CDC14B: variants seen among roughly 807,000 people sequenced by gnomAD.
The protein encoded by CDC14B is dual specificity protein phosphatase CDC14B.
In CDC14B, 22 loss-of-function variants were observed where a neutral mutation model predicts 64.2. That is an observed-to-expected ratio of 0.34 (90% confidence interval 0.24 to 0.49). The LOEUF (loss-of-function observed/expected upper bound fraction) is 0.49. CDC14B is among the 20% of genes least tolerant of loss of function. The pLI, the probability that CDC14B is intolerant of heterozygous loss-of-function variation, is 0.99. For missense variants in CDC14B, 498 were observed against 629.9 expected (o/e 0.79, Z 2.24); for synonymous variants, 191 against 215.8 (o/e 0.89, Z 1.01).
chr9:96,565,447 T>G lies in CDC14B; in HGVS notation c.197A>C (p.Lys66Thr), dbSNP rs1843777347. The G allele has an allele frequency of 6.2e-7, 1 of 1,612,228 alleles. No individual in the cohort carries two copies. The highest frequency in any genetic ancestry group is 8.5e-7 in the Non-Finnish European group (1 of 1,178,490). The change falls in exon 2 of 14, where the codon AAG (lysine) becomes ACG (threonine). Residue 66 changes from lysine (K) to threonine (T), a missense_variant. Transcript: ENST00000375241. ...GAAATAATGTACATTTGATGCACTCTTTGGTCTGCTGTAGAGAATGGCAAA... is the reference window on the plus strand; with the variant it reads ...GAAATAATGTACATTTGATGCACTCGTTGGTCTGCTGTAGAGAATGGCAAA... ...LCFAILYSRPKSASNVHYFSI... is the reference protein window; with the variant it reads ...LCFAILYSRPTSASNVHYFSI...
intron 13 of CDC14B, among the ~76,000 whole-genome samples, chr9:96,493,501 T>C (rs1330172492): frequency 6.6e-6 from 1 of 152,210 alleles, no homozygotes; most frequent in Non-Finnish European, 1.5e-5. Flanking sequence ...AATGCAGGGA[T>C]ATTTTAAAGC....
intron 13 of CDC14B, among the ~76,000 whole-genome samples, chr9:96,505,548 AAGAG>A (rs1471226340): frequency 6.6e-6 from 1 of 152,228 alleles, no homozygotes; most frequent in African/African-American, 2.4e-5. Context: ...AGACTGTTCT[AAGAG>A]AGCTCTTCAG....
chr9:96,547,310 C>CA (rs1841074844), intron 5 of CDC14B, among the ~76,000 whole-genome samples: 1 of 151,428 alleles, frequency 6.6e-6, no homozygotes, highest in African/African-American at 2.4e-5. Flanking sequence ...ACTAAAAATA[C>CA]AAAAAATTAG....
exon 14 of CDC14B, chr9:96,492,322 T>C (rs1833111497): frequency 1.3e-5 from 2 of 152,292 alleles, no homozygotes; most frequent in South Asian, 2.1e-4. Flanking sequence ...GGTGTCTGAG[T>C]TGTGCCACCA....
chr9:96,585,592 T>G (rs1845412790), intron 1 of CDC14B, among the ~76,000 whole-genome samples: 1 of 152,276 alleles, frequency 6.6e-6, no homozygotes, highest in South Asian at 2.1e-4. Flanking sequence ...CCCATTAAAA[T>G]GGCTAAAATT....
chr9:96,551,675 T>G, intron 5 of CDC14B, 121 bp downstream of exon 5: 3 of 1,341,900 alleles, frequency 2.2e-6, no homozygotes, highest in South Asian at 2.6e-5. Flanking sequence ...AGATCTGTGG[T>G]GTTATTTGCG....
chr9:96,495,818 G>A (rs921378227), downstream of CDC14B, among the ~76,000 whole-genome samples: 2 of 152,148 alleles, frequency 1.3e-5, no homozygotes, highest in East Asian at 1.9e-4. Flanking sequence ...GTGAGGCTGC[G>A]TGGGTGTTGC....
At chr9:96,521,133 G>A (rs183227103) in intron 12 of CDC14B, among the ~76,000 whole-genome samples, 97 of 152,214 alleles carry the variant, frequency 6.4e-4, no homozygotes, top group Non-Finnish European at 1.1e-3. Context: ...GCAATGGCAC[G>A]ATCTCGGCTC....
intron 7 of CDC14B, 42 bp from the exon 8 acceptor site, chr9:96,534,584 C>G: frequency 3.9e-6 from 5 of 1,281,866 alleles, no homozygotes; most frequent in Non-Finnish European, 5.7e-6. Flanking sequence ...TAAATGTATT[C>G]TCCCCACAAC....
chr9:96,538,726 C>CT (rs200013412), intron 7 of CDC14B: 347 of 203,348 alleles, frequency 1.7e-3, no homozygotes, highest in African/African-American at 3.8e-3. Context: ...TGGTCTCTCT[C>CT]TTTTTTTTTC....
chr9:96,510,111 G>A (rs539717534), intron 12 of CDC14B, among the ~76,000 whole-genome samples: 1 of 152,290 alleles, frequency 6.6e-6, no homozygotes, highest in Non-Finnish European at 1.5e-5. Context: ...AAAAGTAGAA[G>A]TAGCTTCTCA....
At chr9:96,557,919 A>C (rs1233776420) in intron 4 of CDC14B, among the ~76,000 whole-genome samples, 1 of 152,226 alleles carries the variant, frequency 6.6e-6, no homozygotes, top group Non-Finnish European at 1.5e-5. Flanking sequence ...TATTTTATAC[A>C]CAGAAAGATG....
At chr9:96,570,248 T>C (rs989140067) in intron 1 of CDC14B, among the ~76,000 whole-genome samples, 2 of 152,260 alleles carry the variant, frequency 1.3e-5, no homozygotes, top group Non-Finnish European at 2.9e-5. Flanking sequence ...GGATAACAGC[T>C]ATAGGTATTT....
intron 4 of CDC14B, among the ~76,000 whole-genome samples, chr9:96,559,117 T>C (rs1365571304): frequency 3.9e-5 from 6 of 152,220 alleles, no homozygotes; most frequent in Non-Finnish European, 8.8e-5. Flanking sequence ...TTACACATTT[T>C]TGAAGCCTCA....
intron 1 of CDC14B, among the ~76,000 whole-genome samples, chr9:96,599,826 G>C (rs1846315427): frequency 6.6e-6 from 1 of 152,006 alleles, no homozygotes; most frequent in South Asian, 2.1e-4. Flanking sequence ...CCACCTCCCA[G>C]GTTCAAGCGA....
intron 1 of CDC14B, among the ~76,000 whole-genome samples, chr9:96,618,216 T>A (rs1282893079): frequency 6.6e-6 from 1 of 152,230 alleles, no homozygotes; most frequent in Non-Finnish European, 1.5e-5. Context: ...CCAGCTTACC[T>A]GGTTTATCAA....
At chr9:96,558,040 T>C (rs985050329) in intron 4 of CDC14B, among the ~76,000 whole-genome samples, 11 of 152,162 alleles carry the variant, frequency 7.2e-5, no homozygotes, top group Admixed American at 5.9e-4. Flanking sequence ...CAGGAAGATG[T>C]AACCAAAGTT....
chr9:96,550,300 A>C (rs895199976), intron 5 of CDC14B, among the ~76,000 whole-genome samples: 37 of 152,234 alleles, frequency 2.4e-4, no homozygotes, highest in African/African-American at 7.0e-4. Flanking sequence ...AGCCAATTCT[A>C]ATTTGCTCAA....
intron 1 of CDC14B, among the ~76,000 whole-genome samples, chr9:96,603,016 C>T (rs16911398): frequency 1.3e-3 from 199 of 152,034 alleles, no homozygotes; most frequent in African/African-American, 3.8e-3. Flanking sequence ...GGATGGAAAC[C>T]AGAAGCTTAA....
Sources: allele counts gnomAD v4.1 joint callset (sites outside exome capture counted in the v4.1 genomes callset), GRCh38; gene constraint gnomAD v4.1.1; transcripts MANE v1.5; gene names NCBI Gene and HGNC (gene_info 2026-07-23, HGNC 2026-07-21).